The following ARHGAP28 variants were observed in gnomAD, a reference collection of about 807,000 sequenced individuals.
The protein encoded by ARHGAP28 is Rho GTPase activating protein 28.
A neutral mutation model predicts 90.7 loss-of-function variants in ARHGAP28; 56 were observed. That is an observed-to-expected ratio of 0.62 (90% CI 0.50 to 0.77). ARHGAP28 has a LOEUF of 0.77. ARHGAP28 is among the 30% of genes least tolerant of loss of function. The pLI, the probability that ARHGAP28 is intolerant of heterozygous loss-of-function variation, is 0.00. For synonymous variants in ARHGAP28, 308 were observed against 323.3 expected, an observed-to-expected ratio of 0.95 and a Z score of 0.51; for missense variants, 869 against 900.9, an observed-to-expected ratio of 0.96 and a Z score of 0.45.
chr18:6,779,837 C>T (rs1467747546), intron 1 of ARHGAP28, among the ~76,000 whole-genome samples: 1 of 152,218 alleles, frequency 6.6e-6, no homozygotes, highest in Non-Finnish European at 1.5e-5. Flanking sequence ...ATCTTTCTAA[C>T]AGGCTTCTGA....
At chr18:6,894,985 C>A in intron 15 of ARHGAP28, 94 bp downstream of exon 15, 1 of 1,220,182 alleles carries the variant, frequency 8.2e-7, no homozygotes, top group Non-Finnish European at 1.2e-6. Flanking sequence ...TGGTCATGAA[C>A]TATCCTTCAA....
chr18:6,748,423 A>G (rs1357590535), intron 1 of ARHGAP28, among the ~76,000 whole-genome samples: 2 of 152,192 alleles, frequency 1.3e-5, no homozygotes, highest in Non-Finnish European at 2.9e-5. Context: ...GCACATGGCT[A>G]AAATAGGGCC....
chr18:6,877,583 G>A (rs769411170), intron 10 of ARHGAP28, among the ~76,000 whole-genome samples: 9 of 152,230 alleles, frequency 5.9e-5, no homozygotes, highest in Non-Finnish European at 1.2e-4. Context: ...GGGCACCAGG[G>A]CATCAGGGCT....
intron 3 of ARHGAP28, among the ~76,000 whole-genome samples, chr18:6,843,306 A>G (rs1372639990): frequency 6.6e-6 from 1 of 151,534 alleles, no homozygotes; most frequent in Non-Finnish European, 1.5e-5. Flanking sequence ...GCCGCTCTTC[A>G]GTGTCTGGAA....
intron 2 of ARHGAP28, among the ~76,000 whole-genome samples, chr18:6,831,612 A>G (rs547110793): frequency 1.1e-4 from 16 of 151,892 alleles, no homozygotes; most frequent in Non-Finnish European, 2.2e-4. Context: ...GCTTCCTAAA[A>G]TGATTTTCTA....
rs1237719451 is a variant in ARHGAP28, at chr18:6,873,722, G to A, written c.1159G>A (p.Asp387Asn). The change falls in exon 9 of 18, where the codon GAC becomes AAC. Residue 387 changes from aspartate (D) to asparagine (N), a missense_variant. Transcript: ENST00000383472. ...IFGVPLTVLL[D>N]GDRKKDPGVK... ...TGGAGTTCCACTTACAGTCCTCCTGGACGGTGACCGAAAGAAAGACCCTGG... is the reference window on the plus strand; with the variant it reads ...TGGAGTTCCACTTACAGTCCTCCTGAACGGTGACCGAAAGAAAGACCCTGG... The A allele has an allele frequency of 6.2e-7, 1 of 1,613,876 alleles. No individual in the cohort carries two copies. The highest frequency in any genetic ancestry group is 8.5e-7 in the Non-Finnish European group (1 of 1,180,012).
intron 1 of ARHGAP28, among the ~76,000 whole-genome samples, chr18:6,803,576 G>T (rs1474591700): frequency 6.6e-6 from 1 of 152,040 alleles, no homozygotes; most frequent in East Asian, 1.9e-4. Context: ...TTGGTATTTG[G>T]GTAATGCTGG....
chr18:6,744,258 A>G lies in ARHGAP28; in HGVS notation c.122+14315A>G, dbSNP rs371610362. 4.6e-5 allele frequency among the ~76,000 whole-genome samples: 7 copies of G among 152,280 alleles called. 2 individuals are homozygous for G. The highest frequency in any genetic ancestry group is 1.9e-4 in the East Asian group (1 of 5,174). ...GGAAGAGGCGTTGCAGCATGTAACCACAGATGCTGGTATTGCTGATACCCT... is the reference window on the plus strand; with the variant it reads ...GGAAGAGGCGTTGCAGCATGTAACCGCAGATGCTGGTATTGCTGATACCCT... On this transcript the variant is annotated intron_variant, in intron 1 of 17. Transcript: ENST00000383472.
chr18:6,885,906 G>T (rs2057217254), intron 11 of ARHGAP28, among the ~76,000 whole-genome samples: 2 of 150,874 alleles, frequency 1.3e-5, no homozygotes, highest in African/African-American at 4.9e-5. Flanking sequence ...TTTGCACTGA[G>T]ACTTGCTCTT....
chr18:6,909,306 T>TTTCTTTTCTTTTCTTTTC (rs1293512768), intron 17 of ARHGAP28, among the ~76,000 whole-genome samples: 1 of 147,278 alleles, frequency 6.8e-6, no homozygotes, highest in East Asian at 2.0e-4. Flanking sequence ...TTTTCTTTTT[T>TTTCTTTTCTTTTCTTTTC]TTTTGAGACA....
chr18:6,736,207 T>C (rs1053761664), intron 1 of ARHGAP28, among the ~76,000 whole-genome samples: 4 of 152,218 alleles, frequency 2.6e-5, no homozygotes, highest in Non-Finnish European at 5.9e-5. Flanking sequence ...TACTATGAAA[T>C]AGACGTCTAG....
intron 1 of ARHGAP28, among the ~76,000 whole-genome samples, chr18:6,799,654 G>A (rs1223131362): frequency 6.6e-6 from 1 of 152,144 alleles, no homozygotes; most frequent in Non-Finnish European, 1.5e-5. Context: ...TTTAATAAAT[G>A]GTGTTGGGAA....
Position 6,824,843 on chromosome 18 carries a change from C to T in ARHGAP28, c.204C>T (p.Asn68=). 2 of 1,536,534 alleles carry T rather than the reference C, an allele frequency of 1.3e-6. 1 individual carries two copies. Among genetic ancestry groups the T allele is most frequent in the South Asian group, 2.4e-5 (2 of 84,060 alleles). ...SLHPPAFSRS[N]SEASVDSASM... is the part of the protein sequence containing the mutation. Reference sequence around the variant, plus strand: ...ATCCTCCTGCCTTCAGCCGTTCCAACTCAGAAGCCTCCGTAGACAGCGCCT... The same window carrying T: ...ATCCTCCTGCCTTCAGCCGTTCCAATTCAGAAGCCTCCGTAGACAGCGCCT... Residue 68 remains asparagine (N), a synonymous_variant, in exon 2 of 18, where the codon AAC becomes AAT. Transcript: ENST00000383472.
intron 1 of ARHGAP28, among the ~76,000 whole-genome samples, chr18:6,733,556 A>G (rs1308638176): frequency 6.6e-6 from 1 of 152,062 alleles, no homozygotes; most frequent in Non-Finnish European, 1.5e-5. Context: ...TTATCTTTCA[A>G]AGTTTTCTTA....
At chr18:6,741,301 C>T (rs1290077688) in intron 1 of ARHGAP28, among the ~76,000 whole-genome samples, 2 of 152,154 alleles carry the variant, frequency 1.3e-5, no homozygotes, top group Non-Finnish European at 2.9e-5. Flanking sequence ...TAACTCCTCT[C>T]CCTCCTCATT....
At chr18:6,800,874 G>A (rs1455938479) in intron 1 of ARHGAP28, among the ~76,000 whole-genome samples, 2 of 152,074 alleles carry the variant, frequency 1.3e-5, no homozygotes, top group African/African-American at 4.8e-5. Flanking sequence ...AAATACAGTG[G>A]TTTGATTATT....
intron 4 of ARHGAP28, among the ~76,000 whole-genome samples, chr18:6,853,534 G>A (rs562648810): frequency 2.6e-5 from 4 of 151,212 alleles, no homozygotes; most frequent in African/African-American, 7.3e-5. Flanking sequence ...GTGCAATGAC[G>A]TGATCTCGGC....
intron 12 of ARHGAP28, 33 bp from the exon 13 acceptor site, chr18:6,889,855 A>G (rs760089615): frequency 6.2e-7 from 1 of 1,603,598 alleles, no homozygotes; most frequent in Non-Finnish European, 8.5e-7. Context: ...TTGACAGTGT[A>G]CAATTGTATG....
At chr18:6,796,502 A>G (rs531811605) in intron 1 of ARHGAP28, among the ~76,000 whole-genome samples, 3 of 152,192 alleles carry the variant, frequency 2.0e-5, no homozygotes, top group African/African-American at 7.2e-5. Context: ...ATTGAATACA[A>G]TATTTTGTAT....
Sources: gnomAD v4.1 joint callset for allele counts (sites outside exome capture counted in the v4.1 genomes callset) on GRCh38, gnomAD v4.1.1 for gene constraint, MANE v1.5 for transcripts, NCBI Gene and HGNC (gene_info 2026-07-23, HGNC 2026-07-21) for gene names.